Variants in SLC36A1 observed in about 807,000 individuals in gnomAD.
SLC36A1 encodes proton-coupled amino acid transporter 1.
SLC36A1 carries 30 observed loss-of-function variants against 47.5 expected under a neutral mutation model. The observed-to-expected ratio is 0.63, with a 90% CI of 0.47 to 0.86. SLC36A1 has a LOEUF of 0.86. Ranked by LOEUF, SLC36A1 falls within the 40% of genes least tolerant of loss-of-function variation. SLC36A1 has a pLI of 0.00. For missense variants in SLC36A1, 517 were observed against 606.0 expected (o/e 0.85, Z 1.54); for synonymous variants, 255 against 249.7 (o/e 1.02, Z -0.20).
chr5:151,467,844 C>T lies in SLC36A1; in HGVS notation c.642C>T (p.Leu214=), dbSNP rs1756670592. 3.7e-6 allele frequency: 6 copies of T among 1,613,938 alleles called. No individual in the cohort carries two copies. The highest frequency in any genetic ancestry group is 5.1e-6 in the Non-Finnish European group (6 of 1,180,014). Residue 214 remains leucine (L), a synonymous_variant, in exon 7 of 11, where the codon CTC becomes CTT. Coordinates refer to ENST00000243389, the MANE Select transcript of SLC36A1 (RefSeq NM_078483.4). ...FLVLLVFIRN[L]RALSIFSLLA... is the part of the protein sequence containing the mutation. Reference sequence around the variant, plus strand: ...TGCTGCTGGTTTTCATCAGGAACCTCCGAGCCCTGTCCATCTTCTCCCTGT... The same window carrying T: ...TGCTGCTGGTTTTCATCAGGAACCTTCGAGCCCTGTCCATCTTCTCCCTGT...
the SLC36A1 span, among the ~76,000 whole-genome samples, chr5:151,367,781 C>T: frequency 6.6e-6 from 1 of 152,146 alleles, no homozygotes; most frequent in Non-Finnish European, 1.5e-5. Flanking sequence ...ATTTATGTTC[C>T]TCTGCTGCAG....
chr5:151,438,120 G>C (rs1759880183), intron 1 of SLC36A1, among the ~76,000 whole-genome samples: 1 of 151,898 alleles, frequency 6.6e-6, no homozygotes, highest in South Asian at 2.1e-4. Flanking sequence ...TGCTATCTAA[G>C]GTAACAAGTT....
rs165368 is a variant in SLC36A1, at chr5:151,488,768, G to A, written c.*514G>A. 0.15 allele frequency: 23,297 copies of A among 160,160 alleles called. 2,087 individuals are homozygous for A. The highest frequency in any genetic ancestry group is 0.21 in the Non-Finnish European group (14,793 of 72,032). The allele number at this position is 160,160 out of a possible 1,614,324, so 9.9% of individuals were successfully genotyped here. On this transcript the variant is annotated 3_prime_UTR_variant, in exon 11 of 11. Coordinates refer to ENST00000243389, the MANE Select transcript of SLC36A1 (RefSeq NM_078483.4). ...TATTCGAGTCTCCAGGGGGTGGCTG[G>A]ACCTACCTGGTCATTTGAAACAGGC...
chr5:151,368,657 C>T, the SLC36A1 span, among the ~76,000 whole-genome samples: 2 of 152,174 alleles, frequency 1.3e-5, no homozygotes, highest in Non-Finnish European at 2.9e-5. Flanking sequence ...CCTCTGTTGC[C>T]AGCTTTTACA....
the SLC36A1 span, chr5:151,527,437 C>T: frequency 6.8e-7 from 1 of 1,463,584 alleles, no homozygotes; most frequent in Non-Finnish European, 9.2e-7. Context: ...CTTCTGCCCC[C>T]TGAGTCATCA....
At chr5:151,500,937 C>T in the SLC36A1 span, among the ~76,000 whole-genome samples, 18 of 152,098 alleles carry the variant, frequency 1.2e-4, no homozygotes, top group Admixed American at 1.1e-3. Context: ...GCGCAGGCTG[C>T]GGAAGAAAAG....
At chr5:151,394,124 A>G in the SLC36A1 span, among the ~76,000 whole-genome samples, 2 of 151,590 alleles carry the variant, frequency 1.3e-5, no homozygotes, top group South Asian at 2.1e-4. Flanking sequence ...TTTTCTCTAA[A>G]CTTCTCTTCT....
chr5:151,522,876 G>A, the SLC36A1 span, among the ~76,000 whole-genome samples: 4 of 152,156 alleles, frequency 2.6e-5, no homozygotes, highest in Non-Finnish European at 5.9e-5. Context: ...GGCACGCGCA[G>A]GGTTGCAGTT....
upstream of SLC36A1, among the ~76,000 whole-genome samples, chr5:151,433,449 G>GT (rs148650596): frequency 1.8e-3 from 266 of 145,172 alleles, no homozygotes; most frequent in African/African-American, 6.0e-3. Context: ...ACATCCAGCT[G>GT]TTTTTTTTTG....
intron 7 of SLC36A1, among the ~76,000 whole-genome samples, chr5:151,472,147 A>G (rs113482253): frequency 0.017 from 2,584 of 152,336 alleles, 67 homozygotes; most frequent in African/African-American, 0.058. Flanking sequence ...AACTCACGCA[A>G]TCACAGGTTT....
chr5:151,551,976 GGTGTGTGTGTGTGT>G, the SLC36A1 span, among the ~76,000 whole-genome samples: 6 of 143,558 alleles, frequency 4.2e-5, no homozygotes, highest in Admixed American at 7.0e-5. Flanking sequence ...TAACCCTAAG[GGTGTGTGTGTGTGT>G]GTGTGTGTGT....
the SLC36A1 span, among the ~76,000 whole-genome samples, chr5:151,364,452 G>A: frequency 7.2e-5 from 11 of 152,232 alleles, no homozygotes; most frequent in Non-Finnish European, 1.2e-4. Context: ...AATGCATGAG[G>A]GTTCCAGTTT....
chr5:151,431,063 C>G, the SLC36A1 span, among the ~76,000 whole-genome samples: 1 of 152,156 alleles, frequency 6.6e-6, no homozygotes, highest in Non-Finnish European at 1.5e-5. Context: ...TGAATGAATG[C>G]GCCTCTAAGG....
At chr5:151,386,015 G>C in the SLC36A1 span, among the ~76,000 whole-genome samples, 1 of 151,708 alleles carries the variant, frequency 6.6e-6, no homozygotes, top group Non-Finnish European at 1.5e-5. Context: ...GTGATTATAG[G>C]CGCCCGCCAC....
the SLC36A1 span, chr5:151,534,257 T>C: frequency 1.7e-6 from 1 of 571,634 alleles, no homozygotes. Flanking sequence ...GTGTGCAGTT[T>C]GAGGATAAAT....
chr5:151,542,401 T>A, the SLC36A1 span: 2 of 1,614,142 alleles, frequency 1.2e-6, no homozygotes, highest in Non-Finnish European at 1.7e-6. Flanking sequence ...TCTGTACTCT[T>A]CAGAAGCAAA....
chr5:151,505,712 G>T, the SLC36A1 span: 2 of 1,613,980 alleles, frequency 1.2e-6, no homozygotes, highest in Non-Finnish European at 1.7e-6. Flanking sequence ...CTCGGCTGAG[G>T]CGCATACCCA....
chr5:151,468,269 ATATATAT>A (rs1756809708), intron 7 of SLC36A1, among the ~76,000 whole-genome samples: 1 of 81,628 alleles, frequency 1.2e-5, no homozygotes, highest in African/African-American at 7.3e-5. Flanking sequence ...AAAAAAAAAT[ATATATAT>A]ATATATATAT....
chr5:151,359,850 A>G, the SLC36A1 span, among the ~76,000 whole-genome samples: 1 of 152,174 alleles, frequency 6.6e-6, no homozygotes, highest in East Asian at 1.9e-4. Context: ...GAAACAAACC[A>G]ATAGTTTGTT....
Sources: gnomAD v4.1 joint callset for allele counts (sites outside exome capture counted in the v4.1 genomes callset) on GRCh38, gnomAD v4.1.1 for gene constraint, MANE v1.5 for transcripts, NCBI Gene and HGNC (gene_info 2026-07-23, HGNC 2026-07-21) for gene names.